The following GP2 variants were observed in gnomAD, a reference collection of about 807,000 sequenced individuals.
GP2 encodes the protein pancreatic secretory granule membrane major glycoprotein GP2.
GP2 carries 58 observed loss-of-function variants against 60.8 expected under a neutral mutation model. That is an observed-to-expected ratio of 0.95 (90% CI 0.77 to 1.19). GP2 has a LOEUF of 1.19. Among genes scored for constraint, GP2 ranks in the 50% most tolerant of loss-of-function variants. GP2 has a pLI of 0.00. For missense variants in GP2, 647 were observed against 667.4 expected (o/e 0.97, Z 0.34); for synonymous variants, 280 against 253.4 (o/e 1.10, Z -1.00).
In GP2 at chr16:20,318,413, A is replaced by G; in HGVS notation, c.1025T>C (p.Val342Ala). Residue 342 changes from valine (V) to alanine (A), a missense_variant, in exon 7 of 11, where the codon GTG becomes GCG. Transcript: ENST00000302555. ...GACAATGAACTCTCCATTCCCGTCC[A>G]CACTGACGTTCAGGGAACTGAGAAA... ...QPIVSSLNVS[V>A]DGNGEFIVRM... 3 of 1,613,528 alleles carry G rather than the reference A, an allele frequency of 1.9e-6. No homozygotes were observed. Among genetic ancestry groups the G allele is most frequent in the Non-Finnish European group, 2.5e-6 (3 of 1,179,434 alleles).
chr16:20,319,756 G>C lies in GP2; in HGVS notation c.871C>G (p.His291Asp). 1 of 1,613,032 alleles carries C rather than the reference G, an allele frequency of 6.2e-7. No individual in the cohort carries two copies. The highest frequency in any genetic ancestry group is 8.5e-7 in the Non-Finnish European group (1 of 1,179,060). ...GAGAGGGTGTTTTTGTAGATGGCATGGGTTTGATTTCTCTTTGGCAAAAAA... is the reference window on the plus strand; with the variant it reads ...GAGAGGGTGTTTTTGTAGATGGCATCGGTTTGATTTCTCTTTGGCAAAAAA... ...CRNILERNQT[H>D]AIYKNTLSLV... Residue 291 changes from histidine to aspartate, a missense_variant, in exon 6 of 11, where the codon CAT becomes GAT. By Grantham distance (81) the His-to-Asp change is moderately conservative. Transcript: ENST00000302555.
rs1036388047 is a variant in GP2, at chr16:20,311,301, A to G, written c.1547-20T>C. ...GGAACCCTGAAATACAAGAAATATG[A>G]CTGTCAAGTGTTGGGCTTTGGGAGT... On this transcript the variant is annotated intron_variant, in intron 10 of 10. Coordinates refer to ENST00000302555, the MANE Select transcript of GP2 (RefSeq NM_001502.4). The G allele has an allele frequency of 1.3e-6, 2 of 1,524,330 alleles. No individual in the cohort carries two copies. The highest frequency in any genetic ancestry group is 1.4e-5 in the African/African-American group (1 of 73,064). 94.4% of individuals were successfully genotyped at this position (1,524,330 alleles called of 1,614,324 possible). A position where few individuals can be genotyped will look rare whatever the true frequency, so the allele number is the denominator to read the frequency against.
Position 20,309,936 on chromosome 16 carries a change from C to T in GP2, c.*1287G>A, listed in dbSNP as rs1963952368. 1 of 152,166 alleles carries T rather than the reference C, an allele frequency of 6.6e-6. No individual in the cohort carries two copies. Among genetic ancestry groups the T allele is most frequent in the Non-Finnish European group, 1.5e-5 (1 of 68,078 alleles). 9.4% of individuals were successfully genotyped at this position (152,166 alleles called of 1,614,324 possible). ...CCAAGCAGATACACAGGCTCGGCAC[C>T]TGCTGGTCCACCTTGGTTCCTGATG... is the stretch of plus-strand genomic sequence containing the variant. On this transcript the variant is annotated 3_prime_UTR_variant, in exon 11 of 11. Coordinates refer to ENST00000302555, the MANE Select transcript of GP2 (RefSeq NM_001502.4).
In GP2 at chr16:20,320,404, A is replaced by C; in HGVS notation, c.716T>G (p.Leu239Trp). Residue 239 changes from leucine to tryptophan, a missense_variant, in exon 5 of 11, where the codon TTG becomes TGG. Transcript: ENST00000302555. The stretch of plus-strand genomic sequence containing the variant: ...CTCCCCCAAACCCAGGCCTCCCAGC[A>C]AACATTTGTCCACCTTCACCTTGAT... The part of the protein sequence containing the change: ...REIKVKVDKC[L>W]LGGLGLGEEV... 1 of 1,614,094 alleles carries C rather than the reference A, an allele frequency of 6.2e-7. No individual in the cohort carries two copies. The highest frequency in any genetic ancestry group is 2.2e-5 in the East Asian group (1 of 44,880).
chr16:20,319,697 G>T lies in GP2; in HGVS notation c.930C>A (p.Ile310=), dbSNP rs768974673. 1.2e-6 allele frequency: 2 copies of T among 1,607,310 alleles called. No homozygotes were observed. The highest frequency in any genetic ancestry group is 1.7e-6 in the Non-Finnish European group (2 of 1,173,884). Reference sequence around the variant, plus strand: ...AGGCACATTGGAAGTTGATGTTGAGGATGGTGTCTCTGATGATGAAATCAT... The same window carrying T: ...AGGCACATTGGAAGTTGATGTTGAGTATGGTGTCTCTGATGATGAAATCAT... ...LVNDFIIRDT[I]LNINFQCAYP... Residue 310 remains isoleucine, a synonymous_variant, in exon 6 of 11, where the codon ATC becomes ATA. Coordinates refer to ENST00000302555, the MANE Select transcript of GP2 (RefSeq NM_001502.4).
Position 20,316,057 on chromosome 16 carries a change from CT to C in GP2, c.1417-18del. 3 of 1,534,332 alleles carry C rather than the reference CT, an allele frequency of 2.0e-6. No homozygotes were observed. Among genetic ancestry groups the C allele is most frequent in the Non-Finnish European group, 2.7e-6 (3 of 1,107,282 alleles). On this transcript the variant is annotated intron_variant, in intron 8 of 10. Coordinates refer to ENST00000302555, the MANE Select transcript of GP2 (RefSeq NM_001502.4). ...TGAGCAAGACTGTAGGGATGATGAACTTTTATTATATCAAAATTTAAATGCC... is the reference window on the plus strand; with the variant it reads ...TGAGCAAGACTGTAGGGATGATGAACTTTATTATATCAAAATTTAAATGCC...
chr16:20,318,237 T>C lies in GP2; in HGVS notation c.1201A>G (p.Thr401Ala). The C allele has an allele frequency of 6.2e-7, 1 of 1,612,478 alleles. No individual in the cohort carries two copies. The highest frequency in any genetic ancestry group is 1.7e-5 in the Admixed American group (1 of 60,016). Reference protein sequence around the residue: ...FNLVLRNCYATPTEDKADLVK... With the variant: ...FNLVLRNCYAAPTEDKADLVK... ...AGGTCAGCCTTGTCTTCAGTGGGGG[T>C]GGCATAGCAGTTCCTCAACACCAGG... The change falls in exon 7 of 11, where the codon ACC becomes GCC. Residue 401 changes from threonine (T) to alanine (A), a missense_variant. Coordinates refer to ENST00000302555, the MANE Select transcript of GP2 (RefSeq NM_001502.4).
rs1412235843 is a variant in GP2 at position 20,310,585 on chromosome 16, A to G, written c.*638T>C. On this transcript the variant is annotated 3_prime_UTR_variant, in exon 11 of 11. Coordinates refer to ENST00000302555, the MANE Select transcript of GP2 (RefSeq NM_001502.4). ...GGTGCCTCTTCTCCATGCTCATCCC[A>G]TACCCCAGTGACAGGATACCGCTTC... 1.3e-5 allele frequency: 2 copies of G among 152,336 alleles called. No homozygotes were observed. The highest frequency in any genetic ancestry group is 2.4e-5 in the African/African-American group (1 of 41,388). 9.4% of individuals were successfully genotyped at this position (152,336 alleles called of 1,614,324 possible). A position where few individuals can be genotyped will look rare whatever the true frequency, so the allele number is the denominator to read the frequency against.
At position 20,310,472 on chromosome 16, in the gene GP2, A is replaced by C. The variant is rs963476218; in HGVS notation, c.*751T>G. 6.6e-6 allele frequency: 1 copy of C among 152,220 alleles called. No homozygotes were observed. Among genetic ancestry groups the C allele is most frequent in the Admixed American group, 6.5e-5 (1 of 15,274 alleles). The allele number at this position is 152,220 out of a possible 1,614,324, so 9.4% of individuals were successfully genotyped here. A position where few individuals can be genotyped will look rare whatever the true frequency, so the allele number is the denominator to read the frequency against. The stretch of plus-strand genomic sequence containing the variant: ...AATTTTTGGAAACCATGATAGAAAC[A>C]ATCAGAGGAAGCAGAGTGAACACAA... On this transcript the variant is annotated 3_prime_UTR_variant, in exon 11 of 11. Transcript: ENST00000302555.
rs180899946 is a variant in GP2, at chr16:20,311,376, G to C, written c.1547-95C>G. 32 of 774,186 alleles carry C rather than the reference G, an allele frequency of 4.1e-5. No individual in the cohort carries two copies. The East Asian group carries it at 7.8e-4, about 19-fold the overall frequency. The allele number at this position is 774,186 out of a possible 1,614,324, so 48.0% of individuals were successfully genotyped here. On this transcript the variant is annotated intron_variant, in intron 10 of 10. Transcript: ENST00000302555. ...TTTGTCTTTCACAACACAAGGATGA[G>C]AAAGGCAAAGCATCTTTGATATCTG...
rs764947838 is a variant in GP2 at position 20,320,369 on chromosome 16, C to T, written c.751G>A (p.Ala251Thr). ...GGLGLGEEVI[A>T]YLRDPNCSSI... ...CTGCAGTTTGGGTCTCGCAGGTAGG[C>T]AATGACCTCCTCCCCCAAACCCAGG... Residue 251 changes from alanine (A) to threonine (T), a missense_variant, in exon 5 of 11, where the codon GCC becomes ACC. By Grantham distance (58) the Ala-to-Thr change is moderately conservative. Transcript: ENST00000302555. The T allele has an allele frequency of 1.2e-6, 2 of 1,613,592 alleles. No homozygotes were observed. Among genetic ancestry groups the T allele is most frequent in the Non-Finnish European group, 1.7e-6 (2 of 1,179,540 alleles).
chr16:20,319,520 G>A lies in GP2; in HGVS notation c.1007+100C>T, dbSNP rs759430436. ...TGAATGACTGGAGGCTCCTGGAGGA[G>A]GCTGGCAGTATGGTGTGGACATCAT... is the stretch of plus-strand genomic sequence containing the variant. On this transcript the variant is annotated intron_variant, in intron 6 of 10. Transcript: ENST00000302555. 1.4e-5 allele frequency: 11 copies of A among 777,218 alleles called. 1 individual carries two copies. Among genetic ancestry groups the A allele is most frequent in the Admixed American group, 4.5e-5 (2 of 44,670 alleles). The allele number at this position is 777,218 out of a possible 1,614,324, so 48.1% of individuals were successfully genotyped here. A position where few individuals can be genotyped will look rare whatever the true frequency, so the allele number is the denominator to read the frequency against.
At chr16:20,324,796 A>G (rs185729726) in intron 2 of GP2, among the ~76,000 whole-genome samples, 2 of 152,360 alleles carry the variant, frequency 1.3e-5, no homozygotes, top group Non-Finnish European at 1.5e-5. Context: ...TTTACTTAAT[A>G]TAACATAGAC....
intron 7 of GP2, 43 bp downstream of exon 7, chr16:20,318,142 A>T (rs1027670020): frequency 1.3e-6 from 2 of 1,560,354 alleles, no homozygotes; most frequent in Non-Finnish European, 1.8e-6. Context: ...CTTTCCTGTA[A>T]ACGTTAGTAA....
At position 20,322,856 on chromosome 16, in the gene GP2, G is replaced by A. The variant is rs1964407024; in HGVS notation, c.646+13C>T. On this transcript the variant is annotated intron_variant, in intron 4 of 10. Transcript: ENST00000302555. ...CCTCAGGATGGTAGTTACTTGCCCA[G>A]TGAGCAGCTCACCAGAACTATTGAG... 6.9e-7 allele frequency: 1 copy of A among 1,439,296 alleles called. No homozygotes were observed. The highest frequency in any genetic ancestry group is 1.4e-5 in the African/African-American group (1 of 71,752). 89.2% of individuals were successfully genotyped at this position (1,439,296 alleles called of 1,614,324 possible). A position where few individuals can be genotyped will look rare whatever the true frequency, so the allele number is the denominator to read the frequency against.
intron 5 of GP2, among the ~76,000 whole-genome samples, 183 bp downstream of exon 5, chr16:20,320,079 C>T (rs887289613): frequency 3.9e-5 from 6 of 152,166 alleles, no homozygotes; most frequent in African/African-American, 4.8e-5. Flanking sequence ...TTGTAGCTTA[C>T]GTTTATGAAA....
chr16:20,320,319 C>T lies in GP2; in HGVS notation c.801G>A (p.Arg267=). ...NCSSILQTEE[R]NWVSVTSPVQ... ...CGGGGCTGGTCACAGATACCCAGTT[C>T]CTCTCCTCTGTCTGCAAGATGCTGC... The change falls in exon 5 of 11, where the codon AGG becomes AGA. Residue 267 remains arginine (R), a synonymous_variant. Coordinates refer to ENST00000302555, the MANE Select transcript of GP2 (RefSeq NM_001502.4). 1 of 1,614,176 alleles carries T rather than the reference C, an allele frequency of 6.2e-7. No homozygotes were observed. Among genetic ancestry groups the T allele is most frequent in the Admixed American group, 1.7e-5 (1 of 60,022 alleles).
At chr16:20,326,288 T>C (rs775138679) in intron 2 of GP2, 50 bp downstream of exon 2, 1 of 1,580,396 alleles carries the variant, frequency 6.3e-7, no homozygotes, top group Admixed American at 1.7e-5. Flanking sequence ...CTATCCTCAC[T>C]TGCTAGGTCT....
At chr16:20,312,142 T>A (rs1964011731) in intron 10 of GP2, among the ~76,000 whole-genome samples, 1 of 152,196 alleles carries the variant, frequency 6.6e-6, no homozygotes, top group Non-Finnish European at 1.5e-5. Context: ...AAGATCTAGT[T>A]CTGCTGGGAT....
Sources: allele counts gnomAD v4.1 joint callset (sites outside exome capture counted in the v4.1 genomes callset), GRCh38; gene constraint gnomAD v4.1.1; transcripts MANE v1.5; gene names NCBI Gene and HGNC (gene_info 2026-07-23, HGNC 2026-07-21).